Variants in ACACB observed in about 807,000 individuals in gnomAD.
ACACB encodes the protein acetyl-CoA carboxylase 2.
In ACACB, 209 loss-of-function variants were observed where a neutral mutation model predicts 278.8. The observed-to-expected ratio is 0.75, with a 90% CI of 0.67 to 0.84. The LOEUF is 0.84. Ranked by LOEUF, ACACB falls within the 40% of genes least tolerant of loss-of-function variation. The pLI, the probability that ACACB is intolerant of heterozygous loss-of-function variation, is 0.00. For synonymous variants in ACACB, 1,174 were observed against 1,285.6 expected (o/e 0.91, Z 1.86); for missense variants, 2,850 against 3,269.0 (o/e 0.87, Z 3.13).
At chr12:109,145,056 C>T (rs900993278) in intron 2 of ACACB, among the ~76,000 whole-genome samples, 10 of 152,088 alleles carry the variant, frequency 6.6e-5, no homozygotes, top group African/African-American at 1.4e-4. Context: ...CCACTGCGCC[C>T]GGCCCGCTTC....
chr12:109,265,064 G>T lies in ACACB; in HGVS notation c.6943-46G>T, dbSNP rs369670400. ...TGGGTGTGGTCAGAGCCAGTGTCCC[G>T]TCTCCTCCTTCCCTTTCCGGGGATT... On this transcript the variant is annotated intron_variant, in intron 50 of 52. Coordinates refer to ENST00000338432, the MANE Select transcript of ACACB (RefSeq NM_001093.4). The T allele has an allele frequency of 1.6e-5, 25 of 1,568,268 alleles. No homozygotes were observed. The East Asian group carries it at 4.3e-4, about 27-fold the overall frequency.
chr12:109,264,193 A>G (rs1232639955), intron 49 of ACACB, 39 bp from the exon 50 acceptor site: 2 of 1,607,294 alleles, frequency 1.2e-6, no homozygotes, highest in East Asian at 4.5e-5. Context: ...ACATATGACC[A>G]GCTTCCATGG....
At chr12:109,264,829 C>A (rs1460680927) in intron 50 of ACACB, among the ~76,000 whole-genome samples, 1 of 152,182 alleles carries the variant, frequency 6.6e-6, no homozygotes, top group Non-Finnish European at 1.5e-5. Flanking sequence ...CTGACTCATG[C>A]CTCACACGAG....
intron 24 of ACACB, among the ~76,000 whole-genome samples, chr12:109,220,692 C>G (rs372536280): frequency 1.3e-5 from 2 of 152,256 alleles, no homozygotes; most frequent in East Asian, 3.9e-4. Flanking sequence ...GCTGGGACTA[C>G]AGGCACGTAC....
rs1017078502 is a variant in ACACB, at chr12:109,266,287, C to A, written c.7302C>A (p.Ser2434Arg). 6.2e-7 allele frequency: 1 copy of A among 1,613,814 alleles called. No individual in the cohort carries two copies. The highest frequency in any genetic ancestry group is 8.5e-7 in the Non-Finnish European group (1 of 1,179,988). ...EVAVDCVIYL[S>R]QHISPAERAQ... ...CCGTGGACTGTGTGATATACCTGAGCCAGCACATCAGCCCAGCTGAGCGGG... is the reference window on the plus strand; with the variant it reads ...CCGTGGACTGTGTGATATACCTGAGACAGCACATCAGCCCAGCTGAGCGGG... The change falls in exon 53 of 53, where the codon AGC (serine) becomes AGA (arginine). Residue 2434 changes from serine to arginine, a missense_variant. Ser to Arg is a moderately radical substitution (Grantham distance 110). Transcript: ENST00000338432.
rs113576948 is a variant in ACACB at position 109,250,081 on chromosome 12, G to C, written c.5767G>C (p.Glu1923Gln). 3.2e-4 allele frequency: 512 copies of C among 1,612,418 alleles called. No homozygotes were observed. The African/African-American group carries it at 6.1e-3, about 19-fold the overall frequency. ...MIAGESSLAY[E>Q]EIVTISLVTC... ...TGCTGGGGAGTCCTCTCTGGCTTAC[G>C]AAGAGATCGTCACCATTAGCTTGGT... The change falls in exon 41 of 53, where the codon GAA (glutamate) becomes CAA (glutamine). Residue 1923 changes from glutamate (E) to glutamine (Q), a missense_variant. Glu to Gln is a conservative substitution (Grantham distance 29, BLOSUM62 2). Around this residue, in one of 3 missense-constraint regions of ACACB, gnomAD observed 2,265 missense variants for 2,561.3 expected, o/e 0.88. Transcript: ENST00000338432.
intron 21 of ACACB, among the ~76,000 whole-genome samples, chr12:109,212,496 C>T (rs548273393): frequency 9.2e-5 from 14 of 152,206 alleles, no homozygotes; most frequent in East Asian, 3.9e-4. Flanking sequence ...TGGGAGACAG[C>T]GACAGATCAT....
chr12:109,224,926 T>C (rs73191165), intron 27 of ACACB, among the ~76,000 whole-genome samples: 22,033 of 152,186 alleles, frequency 0.14, 2,463 homozygotes, highest in African/African-American at 0.31. Flanking sequence ...CAGTCCCCTG[T>C]TGCCCCCACT....
upstream of ACACB, among the ~76,000 whole-genome samples, chr12:109,114,963 G>GA (rs1364640882): frequency 1.3e-5 from 2 of 152,176 alleles, no homozygotes; most frequent in Non-Finnish European, 2.9e-5. Flanking sequence ...GTGTTTGATG[G>GA]AAAGAGTTTA....
intron 4 of ACACB, among the ~76,000 whole-genome samples, chr12:109,169,142 CAAAAAA>C (rs34104231): frequency 9.4e-6 from 1 of 105,836 alleles, no homozygotes; most frequent in Non-Finnish European, 1.8e-5. Flanking sequence ...GAGACTGTCT[CAAAAAA>C]AAAAAAAAAA....
chr12:109,253,983 A>C (rs2047161106), intron 43 of ACACB, among the ~76,000 whole-genome samples: 1 of 152,174 alleles, frequency 6.6e-6, no homozygotes, highest in Non-Finnish European at 1.5e-5. Context: ...CAGTGACACC[A>C]TCTGAACCGG....
At chr12:109,150,903 T>A (rs12823154) in intron 2 of ACACB, among the ~76,000 whole-genome samples, 3 of 152,132 alleles carry the variant, frequency 2.0e-5, no homozygotes, top group Non-Finnish European at 4.4e-5. Context: ...AGAAACTCTC[T>A]TTTCAAGTCT....
At chr12:109,190,480 G>GCACT (rs1417534975) in intron 13 of ACACB, among the ~76,000 whole-genome samples, 2 of 152,232 alleles carry the variant, frequency 1.3e-5, no homozygotes, top group Non-Finnish European at 2.9e-5. Context: ...CCCTGAGCCG[G>GCACT]GTGACAGTGC....
chr12:109,228,637 T>C (rs375012695), intron 28 of ACACB, among the ~76,000 whole-genome samples: 70 of 143,756 alleles, frequency 4.9e-4, no homozygotes, highest in African/African-American at 1.8e-3. Flanking sequence ...CCAGCCTGGG[T>C]GACAGAGCGA....
intron 3 of ACACB, 117 bp from the exon 4 acceptor site, chr12:109,167,779 T>C: frequency 1.4e-6 from 2 of 1,467,720 alleles, no homozygotes; most frequent in Non-Finnish European, 1.9e-6. Context: ...CCAAGAGGAA[T>C]GATGTGCTGC....
intron 16 of ACACB, among the ~76,000 whole-genome samples, chr12:109,194,078 C>T (rs1167567718): frequency 6.6e-6 from 1 of 152,162 alleles, no homozygotes; most frequent in African/African-American, 2.4e-5. Flanking sequence ...TCTCTGAAGG[C>T]GCTGGGGCAG....
rs1216217057 is a variant in ACACB, at chr12:109,167,621, GTATATA to G, written c.787-247_787-242del. On this transcript the variant is annotated intron_variant, in intron 3 of 52. Transcript: ENST00000338432. ...CTCAAAAAAAAAAATATATGTATGT[GTATATA>G]TATATATATATATATATATATATAT... Among the ~76,000 whole-genome samples, 79 of 77,526 alleles carry G rather than the reference GTATATA, an allele frequency of 1.0e-3. 4 individuals carry two copies. The highest frequency in any genetic ancestry group is 5.3e-3 in the East Asian group (8 of 1,496). 50.9% of individuals were successfully genotyped at this position (77,526 alleles called of 152,430 possible). A position where few individuals can be genotyped will look rare whatever the true frequency, so the allele number is the denominator to read the frequency against.
At chr12:109,265,322 G>A (rs2047487442) in intron 51 of ACACB, 42 bp downstream of exon 51, 1 of 1,610,654 alleles carries the variant, frequency 6.2e-7, no homozygotes, top group African/African-American at 1.3e-5. Flanking sequence ...CACAGGGGGT[G>A]CTGGGGGCTG....
At chr12:109,242,263 G>T in intron 36 of ACACB, 174 bp from the exon 37 acceptor site, 1 of 631,848 alleles carries the variant, frequency 1.6e-6, no homozygotes, top group Non-Finnish European at 2.7e-6. Flanking sequence ...TCTTGTTCTG[G>T]CCCTCCACAG....
Sources: allele counts gnomAD v4.1 joint callset (sites outside exome capture counted in the v4.1 genomes callset), GRCh38; gene constraint gnomAD v4.1.1; regional missense constraint gnomAD v4.1.1; transcripts MANE v1.5; gene names NCBI Gene and HGNC (gene_info 2026-07-23, HGNC 2026-07-21).